ATRN: variants seen among roughly 807,000 people sequenced by gnomAD.
ATRN encodes attractin, also known as attractin-2.
In ATRN, 54 loss-of-function variants were observed where a neutral mutation model predicts 178.7. That is an observed-to-expected ratio of 0.30 (90% CI 0.24 to 0.38). ATRN has a LOEUF of 0.38. Among genes scored for constraint, ATRN ranks in the 10% least tolerant of loss-of-function variants. ATRN has a pLI of 1.00. For synonymous variants in ATRN, 636 were observed against 663.0 expected, an observed-to-expected ratio of 0.96 and a Z score of 0.63; for missense variants, 1,443 against 1,815.1, an observed-to-expected ratio of 0.79 and a Z score of 3.73.
At chr20:3,574,589 A>G (rs1441350089) in intron 12 of ATRN, among the ~76,000 whole-genome samples, 2 of 152,236 alleles carry the variant, frequency 1.3e-5, no homozygotes, top group African/African-American at 4.8e-5. Flanking sequence ...GAGAACCAAG[A>G]TTACCAGAAC....
At chr20:3,480,814 A>G (rs1012602879) in intron 1 of ATRN, among the ~76,000 whole-genome samples, 1 of 152,234 alleles carries the variant, frequency 6.6e-6, no homozygotes, top group African/African-American at 2.4e-5. Context: ...TGATTAAGTG[A>G]TTTAATACAT....
intron 28 of ATRN, among the ~76,000 whole-genome samples, chr20:3,644,965 C>T (rs1009226690): frequency 1.3e-5 from 2 of 152,108 alleles, no homozygotes; most frequent in African/African-American, 4.8e-5. Context: ...TTTTTATAGC[C>T]TACTACATAA....
chr20:3,638,795 T>G lies in ATRN; in HGVS notation c.3943-33T>G. Reference sequence around the variant, plus strand: ...ACTAATAAAACCCCTTCAGTACTCATTCCATTAATGGCTTTGCCATATTAT... The same window carrying G: ...ACTAATAAAACCCCTTCAGTACTCAGTCCATTAATGGCTTTGCCATATTAT... On this transcript the variant is annotated intron_variant, in intron 26 of 28. Transcript: ENST00000262919. The surrounding 1 kb of genome is among the most constrained non-coding windows in gnomAD (Gnocchi z 4.5). 6.3e-7 allele frequency: 1 copy of G among 1,592,848 alleles called. No individual in the cohort carries two copies. Among genetic ancestry groups the G allele is most frequent in the South Asian group, 1.1e-5 (1 of 90,454 alleles).
rs544027400 is a variant in ATRN, at chr20:3,595,330, T to A, written c.3416+758T>A. 2.8e-4 allele frequency among the ~76,000 whole-genome samples: 42 copies of A among 152,332 alleles called. 1 individual carries two copies. Among genetic ancestry groups the A allele is most frequent in the African/African-American group, 9.4e-4 (39 of 41,566 alleles). The stretch of plus-strand genomic sequence containing the variant: ...CATTTACTCATTCTCAAGAAAAAAC[T>A]TAAAAAGTGTTTAGTGTCAAAACAC... On this transcript the variant is annotated intron_variant, in intron 20 of 28. Coordinates refer to ENST00000262919, the MANE Select transcript of ATRN (RefSeq NM_139321.3).
chr20:3,628,417 T>C (rs1422093616), intron 25 of ATRN, among the ~76,000 whole-genome samples: 1 of 152,170 alleles, frequency 6.6e-6, no homozygotes, highest in Non-Finnish European at 1.5e-5. Context: ...TTACTCAGGG[T>C]CAACCGTGGT....
At chr20:3,628,889 T>G (rs528726402) in intron 25 of ATRN, 35 of 985,156 alleles carry the variant, frequency 3.6e-5, no homozygotes, top group Middle Eastern at 5.2e-4. Context: ...TCACTGTTGA[T>G]TTTTTCCCAG....
intron 1 of ATRN, among the ~76,000 whole-genome samples, chr20:3,515,773 A>G (rs2085198357): frequency 6.6e-6 from 1 of 152,146 alleles, no homozygotes; most frequent in Non-Finnish European, 1.5e-5. Flanking sequence ...CAGAAGGTAA[A>G]AGTATTGGGT....
At chr20:3,633,242 G>C (rs920007413) in intron 25 of ATRN, among the ~76,000 whole-genome samples, 3 of 152,218 alleles carry the variant, frequency 2.0e-5, no homozygotes, top group African/African-American at 7.2e-5. Flanking sequence ...GGGTTGGAAG[G>C]CAATCCTATT....
chr20:3,612,785 T>C (rs1296564994), intron 24 of ATRN, among the ~76,000 whole-genome samples: 1 of 152,224 alleles, frequency 6.6e-6, no homozygotes. Context: ...CTCAATCTAA[T>C]TGAACATCGT....
intron 1 of ATRN, among the ~76,000 whole-genome samples, chr20:3,533,718 G>GT: frequency 6.6e-6 from 1 of 152,186 alleles, no homozygotes; most frequent in Non-Finnish European, 1.5e-5. Flanking sequence ...TATCTTGGTG[G>GT]TTAGTCCATT....
intron 2 of ATRN, among the ~76,000 whole-genome samples, chr20:3,537,923 TTTA>T (rs936296205): frequency 7.7e-4 from 116 of 151,030 alleles, no homozygotes; most frequent in African/African-American, 2.5e-3. Flanking sequence ...ATTTTATTTT[TTTA>T]TTATTATTTT....
At chr20:3,543,442 C>T (rs1004416636) in intron 3 of ATRN, among the ~76,000 whole-genome samples, 9 of 152,072 alleles carry the variant, frequency 5.9e-5, no homozygotes, top group African/African-American at 2.2e-4. Flanking sequence ...AATTGAAGGG[C>T]GAGGCGTGGT....
intron 1 of ATRN, among the ~76,000 whole-genome samples, chr20:3,514,658 G>A (rs1915053402): frequency 6.6e-6 from 1 of 152,098 alleles, no homozygotes; most frequent in African/African-American, 2.4e-5. Context: ...TAACAAACTA[G>A]GAATGGAAAA....
chr20:3,535,366 T>G, intron 2 of ATRN, 30 bp downstream of exon 2: 2 of 1,311,024 alleles, frequency 1.5e-6, no homozygotes, highest in East Asian at 2.6e-5. Context: ...TTAATTTTTG[T>G]TTTTTTAGCA....
At chr20:3,506,484 C>T (rs1428834801) in intron 1 of ATRN, among the ~76,000 whole-genome samples, 2 of 152,044 alleles carry the variant, frequency 1.3e-5, no homozygotes, top group South Asian at 2.1e-4. Context: ...ATTAGCTGGG[C>T]GTGGTGGCAG....
At chr20:3,560,321 A>C (rs977750869) in intron 7 of ATRN, among the ~76,000 whole-genome samples, 3 of 152,130 alleles carry the variant, frequency 2.0e-5, no homozygotes, top group Admixed American at 2.0e-4. Context: ...AAATGACTGG[A>C]TGTCATTCTT....
chr20:3,576,568 G>A (rs1335903200), intron 13 of ATRN, among the ~76,000 whole-genome samples: 1 of 152,116 alleles, frequency 6.6e-6, no homozygotes, highest in Non-Finnish European at 1.5e-5. Flanking sequence ...GCAGGTTGAG[G>A]CATGGTGTTT....
At chr20:3,640,058 A>C (rs1323907049) in intron 27 of ATRN, among the ~76,000 whole-genome samples, 2 of 152,242 alleles carry the variant, frequency 1.3e-5, no homozygotes, top group African/African-American at 4.8e-5. Flanking sequence ...CAGGACTCCA[A>C]ATGTTAGAAT....
At chr20:3,522,693 T>G (rs966229331) in intron 1 of ATRN, among the ~76,000 whole-genome samples, 3 of 152,162 alleles carry the variant, frequency 2.0e-5, no homozygotes, top group African/African-American at 7.2e-5. Flanking sequence ...TGGATACCCC[T>G]CTGGGATGAA....
Sources: gnomAD v4.1 joint callset for allele counts (sites outside exome capture counted in the v4.1 genomes callset) on GRCh38, gnomAD v4.1.1 for gene constraint, Gnocchi (gnomAD v3.1) non-coding constraint, MANE v1.5 for transcripts, NCBI Gene and HGNC (gene_info 2026-07-23, HGNC 2026-07-21) for gene names.